The following RUNX1T1 variants were observed in gnomAD, a reference collection of about 807,000 sequenced individuals.
RUNX1T1 encodes the protein protein CBFA2T1.
RUNX1T1 carries 4 observed loss-of-function variants against 62.8 expected under a neutral mutation model. That is an observed-to-expected ratio of 0.06 (90% CI 0.03 to 0.15). The LOEUF (loss-of-function observed/expected upper bound fraction) is 0.15. Ranked by LOEUF, RUNX1T1 falls within the 10% of genes least tolerant of loss-of-function variation. The pLI is 1.00. For synonymous variants in RUNX1T1, 291 were observed against 286.0 expected, an observed-to-expected ratio of 1.02 and a Z score of -0.18; for missense variants, 508 against 754.3, an observed-to-expected ratio of 0.67 and a Z score of 3.82.
At chr8:91,994,068 T>C (rs923327600) in intron 5 of RUNX1T1, among the ~76,000 whole-genome samples, 1 of 152,130 alleles carries the variant, frequency 6.6e-6, no homozygotes. Flanking sequence ...GCCCACTACA[T>C]ACTAAGAGGG....
intron 9 of RUNX1T1, among the ~76,000 whole-genome samples, chr8:91,972,532 A>G (rs1813066154): frequency 6.6e-6 from 1 of 152,106 alleles, no homozygotes; most frequent in African/African-American, 2.4e-5. Context: ...AGATGCCTTT[A>G]TTATCCTATC....
At chr8:92,101,597 C>T (rs372488100), upstream of RUNX1T1, among the ~76,000 whole-genome samples, 1 of 152,144 alleles carries the variant, frequency 6.6e-6, no homozygotes, top group Non-Finnish European at 1.5e-5. Context: ...ATGGGCTGCA[C>T]GGCCGCCCAG....
upstream of RUNX1T1, chr8:92,062,994 C>A: frequency 1.8e-6 from 2 of 1,119,014 alleles, no homozygotes; most frequent in Non-Finnish European, 2.2e-6. Context: ...AAGGTTAACC[C>A]TTATTTTGCC....
exon 1 of RUNX1T1, chr8:92,062,606 T>C (rs367573219): frequency 4.5e-4 from 732 of 1,614,062 alleles, no homozygotes; most frequent in Admixed American, 6.3e-4. Flanking sequence ...AGCAAGCGCG[T>C]TCCGGGCTCA....
chr8:92,055,417 T>C (rs1587358390), intron 1 of RUNX1T1, among the ~76,000 whole-genome samples: 1 of 152,142 alleles, frequency 6.6e-6, no homozygotes, highest in African/African-American at 2.4e-5. Context: ...TTACCAACTT[T>C]GGGAGGCACT....
At chr8:92,063,027 GC>G, upstream of RUNX1T1, 1 of 1,003,032 alleles carries the variant, frequency 1.0e-6, no homozygotes, top group Non-Finnish European at 1.2e-6. Context: ...TGTAGACCTG[GC>G]CCCCTACCAC....
rs367751569 is a variant in RUNX1T1 at position 91,986,328 on chromosome 8, A to G, written c.997-3T>C. 137 of 1,609,222 alleles carry G rather than the reference A, an allele frequency of 8.5e-5. No individual in the cohort carries two copies. Among genetic ancestry groups the G allele is most frequent in the Admixed American group, 1.3e-4 (8 of 59,996 alleles). ...ATGTCCATTATGCAGTTTAACAGCT[A>G]TTTGGGAAAGGGGAGAATAGGGAAG... On this transcript the variant is annotated splice_region_variant and splice_polypyrimidine_tract_variant and intron_variant, in intron 7 of 10. Coordinates refer to ENST00000396218, the Ensembl canonical transcript of RUNX1T1.
At chr8:92,052,784 A>G (rs1830430891) in intron 1 of RUNX1T1, among the ~76,000 whole-genome samples, 1 of 152,180 alleles carries the variant, frequency 6.6e-6, no homozygotes, top group South Asian at 2.1e-4. Flanking sequence ...TGAGGCAGAC[A>G]CTGTTGGTCC....
intron 5 of RUNX1T1, among the ~76,000 whole-genome samples, chr8:91,993,885 G>A (rs559395861): frequency 4.6e-5 from 7 of 152,116 alleles, no homozygotes; most frequent in East Asian, 3.9e-4. Context: ...TCAGTTGCTC[G>A]GGAGGCTGAG....
intron 1 of RUNX1T1, among the ~76,000 whole-genome samples, chr8:92,028,100 A>AGGGG (rs1825584413): frequency 8.0e-5 from 3 of 37,648 alleles, no homozygotes; most frequent in African/African-American, 2.5e-4. Context: ...GGAAGGAAGG[A>AGGGG]GGGAAAGAAG....
At chr8:91,959,412 TTGTGTGTGTGTGTGTGTGTGTGTGTG>T (rs56037232) in exon 11 of RUNX1T1, 5 of 139,488 alleles carry the variant, frequency 3.6e-5, no homozygotes, top group African/African-American at 9.5e-5. Context: ...AGTCTCTTAC[TTGTGTGTGTGTGTGTGTGTGTGTGTG>T]TGTGTGTGTG....
At chr8:92,095,253 G>A (rs1837617674) in intron 1 of RUNX1T1, 3 of 1,523,594 alleles carry the variant, frequency 2.0e-6, no homozygotes, top group East Asian at 2.4e-5. Flanking sequence ...AAGGGAGAGA[G>A]GGAGAGAGAA....
At chr8:91,958,333 T>G (rs1809673748), downstream of RUNX1T1, 1 of 195,554 alleles carries the variant, frequency 5.1e-6, no homozygotes, top group South Asian at 1.9e-4. Flanking sequence ...TACTATACCT[T>G]GCTGAACATG....
At chr8:92,077,880 A>G (rs1834666700) in intron 1 of RUNX1T1, among the ~76,000 whole-genome samples, 2 of 152,140 alleles carry the variant, frequency 1.3e-5, no homozygotes, top group South Asian at 4.1e-4. Flanking sequence ...GTTTTGAGGC[A>G]CATAAAATTA....
upstream of RUNX1T1, among the ~76,000 whole-genome samples, chr8:92,064,194 T>C (rs1481469775): frequency 6.6e-6 from 1 of 152,196 alleles, no homozygotes; most frequent in Non-Finnish European, 1.5e-5. Context: ...ATATATTCTC[T>C]TGATAAACAG....
At chr8:92,061,681 T>A (rs1446232211) in intron 1 of RUNX1T1, among the ~76,000 whole-genome samples, 1 of 152,132 alleles carries the variant, frequency 6.6e-6, no homozygotes, top group East Asian at 1.9e-4. Context: ...ATCTGTGAGG[T>A]GTACAAACTC....
chr8:92,091,262 C>T (rs1032851840), intron 1 of RUNX1T1, among the ~76,000 whole-genome samples: 2 of 152,166 alleles, frequency 1.3e-5, no homozygotes, highest in African/African-American at 2.4e-5. Context: ...AAACAAATGC[C>T]TGCTTTATTC....
intron 1 of RUNX1T1, among the ~76,000 whole-genome samples, chr8:92,089,468 C>T (rs1169471574): frequency 6.6e-6 from 1 of 152,056 alleles, no homozygotes; most frequent in Non-Finnish European, 1.5e-5. Flanking sequence ...CAAAAAATGG[C>T]TTAAAGAGGT....
exon 8 of RUNX1T1, chr8:91,986,142 G>A (rs1161907796): frequency 6.2e-7 from 1 of 1,613,918 alleles, no homozygotes; most frequent in Non-Finnish European, 8.5e-7. Flanking sequence ...ACTGGGTCTG[G>A]GTTGACGGGA....
Sources: gnomAD v4.1 joint callset for allele counts (sites outside exome capture counted in the v4.1 genomes callset) on GRCh38, gnomAD v4.1.1 for gene constraint, MANE v1.5 for transcripts, NCBI Gene and HGNC (gene_info 2026-07-23, HGNC 2026-07-21) for gene names.